MAP2K6: variants seen among roughly 807,000 people sequenced by gnomAD.
MAP2K6 encodes the protein dual specificity mitogen-activated protein kinase kinase 6.
Under a neutral mutation model 53.7 loss-of-function variants are expected in MAP2K6, and 16 were observed. The observed-to-expected ratio is 0.30, with a 90% CI of 0.20 to 0.45. The LOEUF (loss-of-function observed/expected upper bound fraction) is 0.45, where lower values mean the gene tolerates loss of function less well. Ranked by LOEUF, MAP2K6 falls within the 20% of genes least tolerant of loss-of-function variation. MAP2K6 has a pLI of 1.00. For missense variants in MAP2K6, 204 were observed against 411.9 expected, an observed-to-expected ratio of 0.50 and a Z score of 4.37; for synonymous variants, 132 against 143.1, an observed-to-expected ratio of 0.92 and a Z score of 0.55.
intron 3 of MAP2K6, 24 bp downstream of exon 3, chr17:69,516,927 C>T: frequency 1.9e-6 from 3 of 1,544,454 alleles, no homozygotes; most frequent in Non-Finnish European, 2.7e-6. Flanking sequence ...ATGTCTGCCA[C>T]CTAATACGTT....
chr17:69,460,292 CATATT>C (rs1477999215), intron 1 of MAP2K6, among the ~76,000 whole-genome samples: 3 of 152,178 alleles, frequency 2.0e-5, no homozygotes, highest in African/African-American at 7.2e-5. Flanking sequence ...GGTGGAAACT[CATATT>C]AGAAGGACAG....
At chr17:69,440,132 C>T (rs927104586) in intron 1 of MAP2K6, among the ~76,000 whole-genome samples, 5 of 151,968 alleles carry the variant, frequency 3.3e-5, no homozygotes, top group African/African-American at 1.2e-4. Context: ...ACTGCAACTT[C>T]CACCTCCTGG....
intron 1 of MAP2K6, among the ~76,000 whole-genome samples, chr17:69,439,060 G>A (rs1425716987): frequency 1.3e-5 from 2 of 152,116 alleles, no homozygotes; most frequent in Non-Finnish European, 1.5e-5. Flanking sequence ...GAAACTCTTT[G>A]GTTCAAAAGC....
At chr17:69,498,053 A>G (rs995655244) in intron 1 of MAP2K6, among the ~76,000 whole-genome samples, 5 of 152,136 alleles carry the variant, frequency 3.3e-5, no homozygotes, top group Admixed American at 2.6e-4. Flanking sequence ...TTGGGTTTTC[A>G]TATCTCCTGA....
Position 69,533,229 on chromosome 17 carries a change from G to A in MAP2K6, c.882-2886G>A, listed in dbSNP as rs76147231. Among the ~76,000 whole-genome samples the A allele has an allele frequency of 7.1e-4, 108 of 152,238 alleles. No individual in the cohort carries two copies. In the East Asian group the frequency reaches 0.02, roughly 28 times the overall value. On this transcript the variant is annotated intron_variant, in intron 10 of 11. Coordinates refer to ENST00000590474, the MANE Select transcript of MAP2K6 (RefSeq NM_002758.4). The stretch of plus-strand genomic sequence containing the variant: ...GTTGGGATTACAGGCATTAGCCACT[G>A]CACCTGGTCGAGAAATCTTTATAAG...
At chr17:69,434,934 A>C (rs182342099) in intron 1 of MAP2K6, 6 of 152,316 alleles carry the variant, frequency 3.9e-5, no homozygotes, top group Admixed American at 3.3e-4. Flanking sequence ...CATTAAGCCC[A>C]AAAAATGTGA....
intron 8 of MAP2K6, 91 bp from the exon 9 acceptor site, chr17:69,524,810 G>A: frequency 1.1e-6 from 1 of 902,652 alleles, no homozygotes; most frequent in South Asian, 1.4e-5. Context: ...TCACTTGGCA[G>A]CTGGTGCTAC....
intron 1 of MAP2K6, among the ~76,000 whole-genome samples, chr17:69,467,126 G>A (rs951922659): frequency 2.0e-5 from 3 of 152,164 alleles, no homozygotes; most frequent in African/African-American, 7.2e-5. Context: ...TGCTTTACTT[G>A]AAGCTGAGTT....
chr17:69,542,762 C>T lies in MAP2K6; in HGVS notation c.*1009C>T, dbSNP rs932040251. The T allele has an allele frequency of 6.6e-6, 1 of 152,138 alleles. No homozygotes were observed. The highest frequency in any genetic ancestry group is 6.5e-5 in the Admixed American group (1 of 15,272). 9.4% of individuals were successfully genotyped at this position (152,138 alleles called of 1,614,324 possible). Reference sequence around the variant, plus strand: ...CTTCTTCTGCGTTTGTCCCTCCTGCCATGTGTAAGTTGTAAGGATTGCCTT... The same window carrying T: ...CTTCTTCTGCGTTTGTCCCTCCTGCTATGTGTAAGTTGTAAGGATTGCCTT... On this transcript the variant is annotated 3_prime_UTR_variant, in exon 12 of 12. Transcript: ENST00000590474.
chr17:69,443,026 A>G (rs1427750788), intron 1 of MAP2K6, among the ~76,000 whole-genome samples: 1 of 152,022 alleles, frequency 6.6e-6, no homozygotes, highest in East Asian at 1.9e-4. Flanking sequence ...TGATTTTCCA[A>G]GGTGTTTTAT....
rs141843274 is a variant in MAP2K6 at position 69,527,519 on chromosome 17, T to G, written c.881+810T>G. ...GACAATCCAGTAATTTCTATCTGCA[T>G]AGAGGTCATGATGCCTAGCATGGCT... On this transcript the variant is annotated intron_variant, in intron 10 of 11. Transcript: ENST00000590474. Among the ~76,000 whole-genome samples the G allele has an allele frequency of 1.8e-3, 270 of 152,322 alleles. 3 individuals carry two copies. Among genetic ancestry groups the G allele is most frequent in the Admixed American group, 4.6e-3 (70 of 15,304 alleles).
chr17:69,499,992 G>A (rs1159442842), intron 1 of MAP2K6, among the ~76,000 whole-genome samples: 1 of 152,140 alleles, frequency 6.6e-6, no homozygotes, highest in African/African-American at 2.4e-5. Flanking sequence ...CTCTGGGAAG[G>A]TTCTATGAGG....
rs1174669409 is a variant in MAP2K6 at position 69,545,350 on chromosome 17, G to C, written c.*3597G>C. The C allele has an allele frequency of 2.0e-5, 3 of 152,188 alleles. No homozygotes were observed. Among genetic ancestry groups the C allele is most frequent in the South Asian group, 2.1e-4 (1 of 4,832 alleles). 9.4% of individuals were successfully genotyped at this position (152,188 alleles called of 1,614,324 possible). ...CCTATCTTCTATGATTGAAGGTCCTGATGTGGGGGAATAATCTATTTTTTC... is the reference window on the plus strand; with the variant it reads ...CCTATCTTCTATGATTGAAGGTCCTCATGTGGGGGAATAATCTATTTTTTC... On this transcript the variant is annotated 3_prime_UTR_variant, in exon 12 of 12. Transcript: ENST00000590474.
intron 11 of MAP2K6, among the ~76,000 whole-genome samples, chr17:69,539,814 T>A (rs910315797): frequency 6.6e-6 from 1 of 152,170 alleles, no homozygotes; most frequent in Non-Finnish European, 1.5e-5. Context: ...GATTTCCAAA[T>A]GTCCAGAGGA....
At chr17:69,456,122 A>G (rs920328320) in intron 1 of MAP2K6, among the ~76,000 whole-genome samples, 4 of 152,076 alleles carry the variant, frequency 2.6e-5, no homozygotes, top group African/African-American at 9.7e-5. Context: ...CGGCCTCCCA[A>G]AGTGCTGGGA....
chr17:69,491,769 A>T (rs1908762813), intron 1 of MAP2K6, among the ~76,000 whole-genome samples: 2 of 134,724 alleles, frequency 1.5e-5, no homozygotes, highest in Admixed American at 1.6e-4. Context: ...CTTTTGAATA[A>T]TAGACTTTCA....
chr17:69,513,976 G>A (rs1205411135), intron 2 of MAP2K6, among the ~76,000 whole-genome samples: 1 of 152,046 alleles, frequency 6.6e-6, no homozygotes, highest in African/African-American at 2.4e-5. Flanking sequence ...TTAGCCAGGT[G>A]TGGTGCCTGT....
At position 69,420,683 on chromosome 17, in the gene MAP2K6, C is replaced by T. The variant is rs116786072; in HGVS notation, c.16+5683C>T. On this transcript the variant is annotated intron_variant, in intron 1 of 11. Coordinates refer to ENST00000590474, the MANE Select transcript of MAP2K6 (RefSeq NM_002758.4). ...AAGTCAGATCTACAGATTCTCTGTCCGTAAGTTCTTTTCACTAAACCACAC... is the reference window on the plus strand; with the variant it reads ...AAGTCAGATCTACAGATTCTCTGTCTGTAAGTTCTTTTCACTAAACCACAC... Among the ~76,000 whole-genome samples, 422 of 152,256 alleles carry T rather than the reference C, an allele frequency of 2.8e-3. 1 individual carries two copies. Among genetic ancestry groups the T allele is most frequent in the African/African-American group, 9.4e-3 (389 of 41,522 alleles).
intron 1 of MAP2K6, among the ~76,000 whole-genome samples, chr17:69,484,150 G>A (rs1210720623): frequency 1.3e-5 from 2 of 152,052 alleles, no homozygotes; most frequent in Non-Finnish European, 2.9e-5. Flanking sequence ...AAGTGAAAAG[G>A]CAATTGACAG....
Sources: allele counts gnomAD v4.1 joint callset (sites outside exome capture counted in the v4.1 genomes callset), GRCh38; gene constraint gnomAD v4.1.1; transcripts MANE v1.5; gene names NCBI Gene and HGNC (gene_info 2026-07-23, HGNC 2026-07-21).